The following GRM7 variants were observed in gnomAD, a reference collection of about 807,000 sequenced individuals.
GRM7 encodes the protein glutamate metabotropic receptor 7.
In GRM7, 35 loss-of-function variants were observed where a neutral mutation model predicts 84.5. The ratio of observed to expected loss-of-function variants is 0.41; its 90% CI spans 0.32 to 0.55. GRM7 has a LOEUF of 0.55. GRM7 is among the 20% of genes least tolerant of loss of function. The pLI is 0.19. For synonymous variants in GRM7, 487 were observed against 455.1 expected, an observed-to-expected ratio of 1.07 and a Z score of -0.89; for missense variants, 1,003 against 1,194.6, an observed-to-expected ratio of 0.84 and a Z score of 2.36.
At chr3:7,386,080 A>G (rs1269765783) in intron 4 of GRM7, among the ~76,000 whole-genome samples, 1 of 152,184 alleles carries the variant, frequency 6.6e-6, no homozygotes, top group Non-Finnish European at 1.5e-5. Flanking sequence ...AAAACAAAAC[A>G]AAACATGGAG....
rs768248079 is a variant in GRM7 at position 7,351,339 on chromosome 3, G to GAAAAAAAA, written c.1033+44704_1033+44711dup. On this transcript the variant is annotated intron_variant, in intron 4 of 9. Transcript: ENST00000357716. ...ACTCAGTTGCCTTATTCCCACAGGC[G>GAAAAAAAA]AAAAAAAAAAAAAAAAAAAAAAAAC... Among the ~76,000 whole-genome samples the GAAAAAAAA allele has an allele frequency of 6.1e-4, 28 of 45,890 alleles. 1 individual carries two copies. Among genetic ancestry groups the GAAAAAAAA allele is most frequent in the South Asian group, 1.5e-3 (1 of 664 alleles). The allele number at this position is 45,890 out of a possible 152,430, so 30.1% of individuals were successfully genotyped here. A position where few individuals can be genotyped will look rare whatever the true frequency, so the allele number is the denominator to read the frequency against.
chr3:7,075,254 T>C (rs1051821195), intron 1 of GRM7, among the ~76,000 whole-genome samples: 2 of 152,156 alleles, frequency 1.3e-5, no homozygotes, highest in Non-Finnish European at 2.9e-5. Flanking sequence ...AGTAAAGACC[T>C]TGGTGCTGAA....
At chr3:6,957,396 G>C (rs559845349) in intron 1 of GRM7, among the ~76,000 whole-genome samples, 2 of 152,160 alleles carry the variant, frequency 1.3e-5, no homozygotes, top group African/African-American at 4.8e-5. Context: ...ATTCCAGAAC[G>C]AGTGTTCCCT....
At chr3:7,231,984 G>A (rs1371216587) in intron 2 of GRM7, among the ~76,000 whole-genome samples, 1 of 152,186 alleles carries the variant, frequency 6.6e-6, no homozygotes, top group Non-Finnish European at 1.5e-5. Context: ...CTATAGCAGT[G>A]TGCTGAACCG....
chr3:6,914,090 T>C (rs1205346698), intron 1 of GRM7, among the ~76,000 whole-genome samples: 1 of 152,154 alleles, frequency 6.6e-6, no homozygotes, highest in East Asian at 1.9e-4. Flanking sequence ...AGTATCCCCA[T>C]TTCTCTGCCT....
intron 9 of GRM7, among the ~76,000 whole-genome samples, chr3:7,706,042 A>G (rs1339107022): frequency 6.6e-6 from 1 of 152,128 alleles, no homozygotes; most frequent in Non-Finnish European, 1.5e-5. Context: ...TATCAGAGGT[A>G]AAAACAACAA....
Position 7,542,549 on chromosome 3 carries a change from C to G in GRM7, c.1516-35873C>G, listed in dbSNP as rs1300178396. On this transcript the variant is annotated intron_variant, in intron 7 of 9. Transcript: ENST00000357716. ...TTAATTCCCTGAGTTTCATGCATAGCAATTTTTTTTTTTTTTTTTGACAGA... is the reference window on the plus strand; with the variant it reads ...TTAATTCCCTGAGTTTCATGCATAGGAATTTTTTTTTTTTTTTTTGACAGA... Among the ~76,000 whole-genome samples the G allele has an allele frequency of 3.0e-5, 4 of 131,834 alleles. No individual in the cohort carries two copies. In the Admixed American group the frequency reaches 3.3e-4, roughly 11 times the overall value. The allele number at this position is 131,834 out of a possible 152,430, so 86.5% of individuals were successfully genotyped here.
chr3:7,423,805 C>G (rs1386250633), intron 5 of GRM7, among the ~76,000 whole-genome samples: 2 of 152,114 alleles, frequency 1.3e-5, no homozygotes, highest in African/African-American at 4.8e-5. Flanking sequence ...GCTATTCTAA[C>G]TTTGTCCCCC....
intron 8 of GRM7, among the ~76,000 whole-genome samples, chr3:7,582,450 C>A (rs1322864961): frequency 6.6e-6 from 1 of 152,002 alleles, no homozygotes; most frequent in Non-Finnish European, 1.5e-5. Flanking sequence ...TCTTGATACA[C>A]AAGGAATGGG....
intron 1 of GRM7, among the ~76,000 whole-genome samples, chr3:7,096,386 G>A (rs1199542621): frequency 1.3e-5 from 2 of 152,104 alleles, no homozygotes; most frequent in Non-Finnish European, 2.9e-5. Flanking sequence ...AATCCCACCA[G>A]GTTTGACAAT....
chr3:7,153,025 G>A (rs767048668), intron 2 of GRM7, among the ~76,000 whole-genome samples: 6 of 151,880 alleles, frequency 4.0e-5, no homozygotes, highest in Non-Finnish European at 7.4e-5. Flanking sequence ...AAAACCACTT[G>A]TCACAGATAG....
At chr3:7,579,961 A>T (rs1695168808) in intron 8 of GRM7, among the ~76,000 whole-genome samples, 1 of 152,228 alleles carries the variant, frequency 6.6e-6, no homozygotes, top group Admixed American at 6.5e-5. Context: ...CATTAATCAC[A>T]TCCAGCAATT....
chr3:6,972,409 G>A (rs539980368), intron 1 of GRM7, among the ~76,000 whole-genome samples: 5 of 152,266 alleles, frequency 3.3e-5, no homozygotes, highest in African/African-American at 9.6e-5. Flanking sequence ...GGTAAAGGAC[G>A]AGAAAATGTC....
intron 7 of GRM7, among the ~76,000 whole-genome samples, chr3:7,552,684 T>C (rs951958869): frequency 2.0e-5 from 3 of 152,198 alleles, no homozygotes; most frequent in African/African-American, 7.2e-5. Context: ...GTGTGAGTTG[T>C]ACATTGGACC....
intron 1 of GRM7, among the ~76,000 whole-genome samples, chr3:7,135,459 C>T (rs1295203097): frequency 2.6e-5 from 4 of 152,146 alleles, no homozygotes; most frequent in African/African-American, 4.8e-5. Flanking sequence ...TTCAAAAATT[C>T]GCCTTTTACA....
At chr3:6,918,869 A>G (rs1009256603) in intron 1 of GRM7, among the ~76,000 whole-genome samples, 1 of 152,182 alleles carries the variant, frequency 6.6e-6, no homozygotes, top group Non-Finnish European at 1.5e-5. Flanking sequence ...TTCCAAATCT[A>G]GAGAATGGAT....
At chr3:7,086,333 TTAAAA>T (rs560884599) in intron 1 of GRM7, among the ~76,000 whole-genome samples, 128 of 151,496 alleles carry the variant, frequency 8.4e-4, no homozygotes, top group African/African-American at 2.8e-3. Flanking sequence ...AATATATATC[TTAAAA>T]TAAAAAAGAT....
chr3:6,869,961 T>G (rs1243976441), intron 1 of GRM7, among the ~76,000 whole-genome samples: 2 of 152,206 alleles, frequency 1.3e-5, no homozygotes, highest in East Asian at 3.8e-4. Flanking sequence ...CTTTTCTAAA[T>G]GCTTGGACAC....
intron 6 of GRM7, among the ~76,000 whole-genome samples, chr3:7,460,973 G>C (rs1698223159): frequency 6.6e-6 from 1 of 152,182 alleles, no homozygotes; most frequent in African/African-American, 2.4e-5. Context: ...CCAAATGAGA[G>C]ATTGAGAAAG....
Sources: allele counts gnomAD v4.1 joint callset (sites outside exome capture counted in the v4.1 genomes callset), GRCh38; gene constraint gnomAD v4.1.1; transcripts MANE v1.5; gene names NCBI Gene and HGNC (gene_info 2026-07-23, HGNC 2026-07-21).